The following PUDP variants were observed in gnomAD, a reference collection of about 807,000 sequenced individuals.
PUDP encodes the protein pseudouridine 5'-phosphatase.
In PUDP, 8 loss-of-function variants were observed where a neutral mutation model predicts 9.4. That is an observed-to-expected ratio of 0.85 (90% confidence interval 0.50 to 1.53). The LOEUF is 1.53. Among genes scored for constraint, PUDP ranks in the 40% most tolerant of loss-of-function variants. The probability of loss-of-function intolerance (pLI) is 0.00; values close to 1 mark genes in which losing one functional copy is unlikely to be tolerated. For missense variants in PUDP, 188 were observed against 189.7 expected (o/e 0.99, Z 0.05); for synonymous variants, 99 against 80.7 (o/e 1.23, Z -1.22).
chrX:6,949,510 C>T (rs1928517661), intron 3 of PUDP, among the ~76,000 whole-genome samples: 1 of 111,752 alleles, frequency 8.9e-6, no homozygotes, highest in African/African-American at 3.3e-5. Context: ...ATTCAGCAAC[C>T]ATGTATTGTT....
intron 3 of PUDP, chrX:7,057,579 G>A: frequency 1.9e-6 from 2 of 1,065,075 alleles, no homozygotes; most frequent in East Asian, 3.4e-5. Flanking sequence ...GGTGGGTCTT[G>A]GGGCCGCCAT....
intron 3 of PUDP, among the ~76,000 whole-genome samples, chrX:6,885,992 C>T (rs895341735): frequency 1.8e-5 from 2 of 111,579 alleles, no homozygotes; most frequent in East Asian, 5.7e-4. Context: ...GCTGTACAAA[C>T]ATTTCTATTG....
chrX:6,837,306 A>G (rs1298398047), intron 3 of PUDP, among the ~76,000 whole-genome samples: 1 of 112,626 alleles, frequency 8.9e-6, no homozygotes, highest in Non-Finnish European at 1.9e-5. Flanking sequence ...ATCTGCTATC[A>G]CATCAGACAG....
In PUDP at chrX:6,995,581, A is replaced by C. The variant is rs756186024; in HGVS notation, c.205-17238T>G. ...TCTAAAAATTATACAAAAATTAGCC[A>C]GTTGTGGTGGTGCATGCCTGTAGTT... On this transcript the variant is annotated intron_variant and NMD_transcript_variant, in intron 1 of 3. Transcript: ENST00000655425. Among the ~76,000 whole-genome samples, 342 of 109,540 alleles carry C rather than the reference A, an allele frequency of 3.1e-3. 1 individual carries two copies. Among genetic ancestry groups the C allele is most frequent in the African/African-American group, 0.011 (321 of 30,091 alleles).
chrX:6,772,051 C>T (rs1341249803), intron 3 of PUDP, among the ~76,000 whole-genome samples: 1 of 112,285 alleles, frequency 8.9e-6, no homozygotes, highest in Non-Finnish European at 1.9e-5. Context: ...GGAATTAAAA[C>T]CACAGATGTT....
At chrX:6,876,622 C>G (rs73190754) in intron 3 of PUDP, among the ~76,000 whole-genome samples, 1 of 95,736 alleles carries the variant, frequency 1.0e-5, no homozygotes, top group African/African-American at 3.8e-5. Context: ...AGAACAAGAC[C>G]CTGCACCTAA....
chrX:6,853,489 T>C (rs1602646264), intron 3 of PUDP, among the ~76,000 whole-genome samples: 1 of 109,568 alleles, frequency 9.1e-6, no homozygotes, highest in Non-Finnish European at 1.9e-5. Context: ...TCACATAACA[T>C]GAAATTAACA....
rs145695638 is a variant in PUDP at position 6,997,877 on chromosome X, G to T, written c.205-19534C>A. Among the ~76,000 whole-genome samples the T allele has an allele frequency of 1.1e-4, 12 of 111,969 alleles. No individual in the cohort carries two copies. The East Asian group carries it at 3.4e-3, about 32-fold the overall frequency. On this transcript the variant is annotated intron_variant and NMD_transcript_variant, in intron 1 of 3. Coordinates refer to the PUDP transcript ENST00000655425. ...AAAATGGATTATTTTAAGGATCATTGGTGAGTACTTAAGTCAGAAAGTGGA... is the reference window on the plus strand; with the variant it reads ...AAAATGGATTATTTTAAGGATCATTTGTGAGTACTTAAGTCAGAAAGTGGA...
chrX:7,090,999 G>A (rs1377984505), intron 2 of PUDP, among the ~76,000 whole-genome samples: 4 of 112,323 alleles, frequency 3.6e-5, no homozygotes, highest in African/African-American at 1.3e-4. Flanking sequence ...TAACAGATGA[G>A]AAGGAGATGA....
At chrX:7,000,159 A>G (rs371134304) in intron 1 of PUDP, among the ~76,000 whole-genome samples, 1 of 103,271 alleles carries the variant, frequency 9.7e-6, no homozygotes, top group Admixed American at 1.1e-4. Context: ...GAGAGAGAGA[A>G]ACAAACACAC....
At chrX:6,851,286 T>A (rs2146722697) in intron 3 of PUDP, among the ~76,000 whole-genome samples, 1 of 112,577 alleles carries the variant, frequency 8.9e-6, no homozygotes. Context: ...AAAATTTGTC[T>A]GAAGATTTCT....
At chrX:6,745,017 A>G (rs1924983145) in intron 3 of PUDP, among the ~76,000 whole-genome samples, 1 of 111,989 alleles carries the variant, frequency 8.9e-6, no homozygotes, top group Non-Finnish European at 1.9e-5. Flanking sequence ...CTACTGTGAC[A>G]ATCCTTGGTG....
intron 3 of PUDP, among the ~76,000 whole-genome samples, chrX:6,770,427 A>G (rs776821108): frequency 7.1e-5 from 8 of 112,526 alleles, no homozygotes; most frequent in Non-Finnish European, 3.8e-5. Flanking sequence ...GGGTAAGATA[A>G]TTTGTCAAAA....
chrX:6,774,484 A>G (rs1467656603), intron 3 of PUDP, among the ~76,000 whole-genome samples: 1 of 112,305 alleles, frequency 8.9e-6, no homozygotes, highest in Non-Finnish European at 1.9e-5. Context: ...GGTGGGCAAT[A>G]GTACCTCAGC....
intron 3 of PUDP, among the ~76,000 whole-genome samples, chrX:6,810,382 T>C (rs933035399): frequency 7.2e-5 from 8 of 111,498 alleles, no homozygotes; most frequent in African/African-American, 2.6e-4. Context: ...GGCTATGACA[T>C]GAAACAGGTT....
chrX:6,935,303 C>T (rs1602680084), intron 3 of PUDP, among the ~76,000 whole-genome samples: 1 of 62,968 alleles, frequency 1.6e-5, no homozygotes, highest in East Asian at 5.5e-4. Context: ...ACAGTGCAAT[C>T]AAACTAGAAC....
chrX:6,870,036 A>C (rs758102459), intron 3 of PUDP, among the ~76,000 whole-genome samples: 73 of 111,346 alleles, frequency 6.6e-4, no homozygotes, highest in African/African-American at 2.4e-3. Context: ...TAAATGAATA[A>C]ACAAAATTTG....
At chrX:6,722,317 C>T (rs762967094), upstream of PUDP, among the ~76,000 whole-genome samples, 1 of 109,185 alleles carries the variant, frequency 9.2e-6, no homozygotes, top group East Asian at 2.9e-4. Context: ...TGGTGGCACG[C>T]GCCTGTAATC....
In PUDP at chrX:7,105,688, T is replaced by C; in HGVS notation, c.212A>G (p.Lys71Arg). The C allele has an allele frequency of 8.3e-7, 1 of 1,210,370 alleles. No individual in the cohort carries two copies. Among genetic ancestry groups the C allele is most frequent in the Non-Finnish European group, 1.1e-6 (1 of 894,832 alleles). ...IIDVLQLPMS[K>R]EELVEESQTK... ...TTGGCTTTCTTCCACCAGCTCCTCTTTGGACATCGGGAGCTGCAAGACGTC... is the reference window on the plus strand; with the variant it reads ...TTGGCTTTCTTCCACCAGCTCCTCTCTGGACATCGGGAGCTGCAAGACGTC... Residue 71 changes from lysine (K) to arginine (R), a missense_variant, in exon 2 of 4, where the codon AAA (lysine) becomes AGA (arginine). By Grantham distance (26) the Lys-to-Arg change is conservative. Coordinates refer to ENST00000381077, the MANE Select transcript of PUDP (RefSeq NM_012080.5).
Sources: allele counts gnomAD v4.1 joint callset (sites outside exome capture counted in the v4.1 genomes callset), GRCh38; gene constraint gnomAD v4.1.1; transcripts MANE v1.5; gene names NCBI Gene and HGNC (gene_info 2026-07-23, HGNC 2026-07-21).